EXOC1: variants seen among roughly 807,000 people sequenced by gnomAD.
The protein encoded by EXOC1 is SEC3-like 1.
Under a neutral mutation model 107.7 loss-of-function variants are expected in EXOC1, and 67 were observed. That is an observed-to-expected ratio of 0.62 (90% confidence interval 0.51 to 0.76). The LOEUF is 0.76. Ranked by LOEUF, EXOC1 falls within the 30% of genes least tolerant of loss-of-function variation. EXOC1 has a pLI of 0.00. For missense variants in EXOC1, 833 were observed against 1,055.7 expected, an observed-to-expected ratio of 0.79 and a Z score of 2.92; for synonymous variants, 348 against 353.5, an observed-to-expected ratio of 0.98 and a Z score of 0.17.
intron 9 of EXOC1, chr4:55,882,738 C>T (rs1723524819): frequency 6.6e-6 from 1 of 152,088 alleles, no homozygotes; most frequent in African/African-American, 2.4e-5. Flanking sequence ...CAAATATTTA[C>T]ACAACATGTA....
Position 55,902,145 on chromosome 4 carries a change from C to G in EXOC1, c.2338-199C>G, listed in dbSNP as rs532954673. On this transcript the variant is annotated intron_variant, in intron 17 of 18. Coordinates refer to ENST00000381295, the MANE Select transcript of EXOC1 (RefSeq NM_001024924.2). ...TAATCTCCTGTATGTATTCACACAT[C>G]AAAAGATTACAAGGAACTCTACAAT... is the stretch of plus-strand genomic sequence containing the variant. The G allele has an allele frequency of 4.3e-4, 160 of 369,468 alleles. 2 individuals carry two copies. The highest frequency in any genetic ancestry group is 1.5e-4 in the Non-Finnish European group (32 of 206,736). The allele number at this position is 369,468 out of a possible 1,614,324, so 22.9% of individuals were successfully genotyped here.
intron 9 of EXOC1, among the ~76,000 whole-genome samples, chr4:55,880,606 C>T (rs144347465): frequency 7.2e-5 from 11 of 152,104 alleles, no homozygotes; most frequent in African/African-American, 2.7e-4. Flanking sequence ...GCTTTGTCCC[C>T]TAGTGAATAT....
chr4:55,877,923 G>T lies in EXOC1; in HGVS notation c.1081G>T (p.Asp361Tyr). ...CTTATTTTACTCACTTTAGGGTCAT[G>T]ATCAGAGTTCGACTCTTGCCCAACA... ...LNNVFVQQGHDQSSTLAQHSV... is the reference protein window; with the variant it reads ...LNNVFVQQGHYQSSTLAQHSV... Residue 361 changes from aspartate (D) to tyrosine (Y), a missense_variant, in exon 9 of 19, where the codon GAT becomes TAT. Transcript: ENST00000381295. 6.2e-7 allele frequency: 1 copy of T among 1,613,534 alleles called. No individual in the cohort carries two copies. The highest frequency in any genetic ancestry group is 1.1e-5 in the South Asian group (1 of 91,046).
intron 10 of EXOC1, among the ~76,000 whole-genome samples, chr4:55,888,308 A>G (rs909774829): frequency 6.6e-6 from 1 of 152,170 alleles, no homozygotes; most frequent in Non-Finnish European, 1.5e-5. Context: ...TATATCTTTC[A>G]TTCTGAGCAC....
At chr4:55,882,447 A>G (rs1045899451) in intron 9 of EXOC1, among the ~76,000 whole-genome samples, 4 of 152,242 alleles carry the variant, frequency 2.6e-5, no homozygotes, top group African/African-American at 9.6e-5. Flanking sequence ...GAAAAAAGGT[A>G]TCTAAGTCAT....
chr4:55,888,334 T>G (rs530407363), intron 10 of EXOC1, among the ~76,000 whole-genome samples: 1 of 152,304 alleles, frequency 6.6e-6, no homozygotes, highest in South Asian at 2.1e-4. Context: ...AAGCCAGTGA[T>G]TAAGTAATTC....
Position 55,855,852 on chromosome 4 carries a change from A to G in EXOC1, c.-11+1899A>G, listed in dbSNP as rs541271571. 8.5e-5 allele frequency among the ~76,000 whole-genome samples: 13 copies of G among 152,332 alleles called. No individual in the cohort carries two copies. The East Asian group carries it at 2.5e-3, about 29-fold the overall frequency. On this transcript the variant is annotated intron_variant, in intron 1 of 18. Transcript: ENST00000381295. The stretch of plus-strand genomic sequence containing the variant: ...ACATAGTGTCTGGGCCCTACAACAT[A>G]TTAAGGGATTAGCAGCATGGACACT...
In EXOC1 at chr4:55,896,732, C is replaced by T. The variant is rs1168723783; in HGVS notation, c.1969C>T (p.Gln657Ter). 6.2e-7 allele frequency: 1 copy of T among 1,604,280 alleles called. No individual in the cohort carries two copies. Among genetic ancestry groups the T allele is most frequent in the Non-Finnish European group, 8.5e-7 (1 of 1,177,402 alleles). Residue 657 changes from glutamine (Q) to a stop codon, truncating the protein, a stop_gained, in exon 16 of 19, where the codon CAA becomes TAA. Coordinates refer to ENST00000381295, the MANE Select transcript of EXOC1 (RefSeq NM_001024924.2). LOFTEE classifies it high-confidence loss of function. ...CTAACTTTAGAGTAACCAAATAAGG[C>T]AAATGGAAGAAGTAAAGATCTCAAA... ...FDKCISNQIRQMEEVKISKKS... is the reference protein window; with the variant it reads ...FDKCISNQIR
chr4:55,892,850 C>A, intron 14 of EXOC1, 139 bp downstream of exon 14: 3 of 716,234 alleles, frequency 4.2e-6, no homozygotes, highest in South Asian at 1.9e-5. Context: ...ATTGTCTTAT[C>A]AAACGTTTTA....
At chr4:55,855,294 A>G (rs13143281) in intron 1 of EXOC1, among the ~76,000 whole-genome samples, 114,239 of 152,128 alleles carry the variant, frequency 0.75, 43,315 homozygotes, top group East Asian at 0.97. Flanking sequence ...TGCGAAAAGA[A>G]AGGAATAAAT....
Position 55,869,863 on chromosome 4 carries a change from T to C in EXOC1, c.604-815T>C, listed in dbSNP as rs150286909. ...TTTTCATCGTACCATGTTACTTGCC[T>C]TCTTAATATGGCTTAGTGATTTATA... On this transcript the variant is annotated intron_variant, in intron 5 of 18. Coordinates refer to ENST00000381295, the MANE Select transcript of EXOC1 (RefSeq NM_001024924.2). Among the ~76,000 whole-genome samples, 46 of 152,370 alleles carry C rather than the reference T, an allele frequency of 3.0e-4. No individual in the cohort carries two copies. The East Asian group carries it at 6.6e-3, about 22-fold the overall frequency.
intron 18 of EXOC1, among the ~76,000 whole-genome samples, chr4:55,904,094 C>T (rs912987270): frequency 1.3e-5 from 2 of 151,550 alleles, no homozygotes; most frequent in African/African-American, 4.9e-5. Flanking sequence ...TTAATTCTCA[C>T]AGCATTATGA....
At chr4:55,887,175 C>T (rs1259151690) in intron 10 of EXOC1, among the ~76,000 whole-genome samples, 1 of 123,808 alleles carries the variant, frequency 8.1e-6, no homozygotes, top group East Asian at 3.4e-4. Context: ...TATATATCAC[C>T]TCTCATTAGT....
intron 4 of EXOC1, among the ~76,000 whole-genome samples, chr4:55,865,227 G>A (rs1721846990): frequency 6.6e-6 from 1 of 152,136 alleles, no homozygotes; most frequent in Non-Finnish European, 1.5e-5. Context: ...ATGTTACTAT[G>A]CATCATTTTG....
At chr4:55,868,587 C>T in intron 5 of EXOC1, 64 bp downstream of exon 5, 1 of 1,438,642 alleles carries the variant, frequency 7.0e-7, no homozygotes, top group Non-Finnish European at 9.6e-7. Flanking sequence ...TAATGATGTT[C>T]ATATTATACT....
At chr4:55,884,373 CT>C (rs1723680401) in intron 10 of EXOC1, among the ~76,000 whole-genome samples, 2 of 152,196 alleles carry the variant, frequency 1.3e-5, no homozygotes, top group Non-Finnish European at 2.9e-5. Flanking sequence ...TGGCTTCTTA[CT>C]TCTCACTGGC....
chr4:55,866,143 T>C (rs1721938331), intron 4 of EXOC1, among the ~76,000 whole-genome samples: 1 of 152,130 alleles, frequency 6.6e-6, no homozygotes, highest in Non-Finnish European at 1.5e-5. Flanking sequence ...ACCACCCCAG[T>C]TTAAGAGCTC....
chr4:55,886,180 G>A (rs767928142), intron 10 of EXOC1, among the ~76,000 whole-genome samples: 2 of 152,116 alleles, frequency 1.3e-5, no homozygotes, highest in Non-Finnish European at 2.9e-5. Context: ...AGGTAGGCTA[G>A]GCCTCTGGTG....
chr4:55,854,423 A>G (rs1342575943), intron 1 of EXOC1, among the ~76,000 whole-genome samples: 1 of 152,082 alleles, frequency 6.6e-6, no homozygotes, highest in Non-Finnish European at 1.5e-5. Context: ...GTGGTCAGAT[A>G]TGGGTTCTCA....
Sources: allele counts gnomAD v4.1 joint callset (sites outside exome capture counted in the v4.1 genomes callset), GRCh38; gene constraint gnomAD v4.1.1; transcripts MANE v1.5; gene names NCBI Gene and HGNC (gene_info 2026-07-23, HGNC 2026-07-21).